Variants in KCNJ5 observed in about 807,000 individuals in gnomAD.
KCNJ5 encodes the protein G protein-activated inward rectifier potassium channel 4.
A neutral mutation model predicts 20.2 loss-of-function variants in KCNJ5; 12 were observed. The observed-to-expected ratio is 0.59, with a 90% CI of 0.38 to 0.96. KCNJ5 has a LOEUF of 0.96. KCNJ5 is among the 40% of genes least tolerant of loss of function. The pLI is 0.00. For synonymous variants in KCNJ5, 210 were observed against 213.9 expected (o/e 0.98, Z 0.16); for missense variants, 449 against 557.6 (o/e 0.81, Z 1.96).
Position 128,916,404 on chromosome 11 carries a change from C to G in KCNJ5, c.938-5C>G. ...TCATAATGCATGTAACTTCCGTTTC[C>G]CCAGGCATGACCTGCCAAGCCCGGA... On this transcript the variant is annotated splice_polypyrimidine_tract_variant and splice_region_variant and intron_variant, in intron 2 of 2. Transcript: ENST00000529694. The G allele has an allele frequency of 1.9e-6, 3 of 1,612,736 alleles. No homozygotes were observed. The highest frequency in any genetic ancestry group is 8.5e-7 in the Non-Finnish European group (1 of 1,178,758).
At chr11:128,914,009 T>C (rs1332673003) in intron 2 of KCNJ5, among the ~76,000 whole-genome samples, 1 of 152,166 alleles carries the variant, frequency 6.6e-6, no homozygotes, top group Non-Finnish European at 1.5e-5. Flanking sequence ...TGCTCGGCCA[T>C]CTGCTGGGGG....
At chr11:128,913,681 A>T (rs187173275) in intron 2 of KCNJ5, among the ~76,000 whole-genome samples, 5 of 151,804 alleles carry the variant, frequency 3.3e-5, no homozygotes, top group African/African-American at 1.2e-4. Flanking sequence ...CTATTTTTCC[A>T]ATTCTTGCAA....
chr11:128,912,168 T>G lies in KCNJ5; in HGVS notation c.895T>G (p.Phe299Val). 1 of 1,608,156 alleles carries G rather than the reference T, an allele frequency of 6.2e-7. No individual in the cohort carries two copies. The highest frequency in any genetic ancestry group is 1.3e-5 in the African/African-American group (1 of 74,948). The part of the protein sequence containing the change: ...MSQAQLHQEE[F>V]EVVVILEGMV... ...TCAGGCTCAGCTGCATCAGGAAGAG[T>G]TTGAAGTTGTGGTCATTCTAGAAGG... is the stretch of plus-strand genomic sequence containing the variant. Residue 299 changes from phenylalanine (F) to valine (V), a missense_variant, in exon 2 of 3, where the codon TTT becomes GTT. Coordinates refer to ENST00000529694, the MANE Select transcript of KCNJ5 (RefSeq NM_000890.5).
chr11:128,910,008 C>G (rs1944474487), intron 1 of KCNJ5: 1 of 152,170 alleles, frequency 6.6e-6, no homozygotes, highest in Non-Finnish European at 1.5e-5. Flanking sequence ...CACTTGGTCA[C>G]ATGCTAAGTG....
intron 2 of KCNJ5, among the ~76,000 whole-genome samples, chr11:128,914,613 C>T (rs182153562): frequency 1.7e-4 from 26 of 152,276 alleles, no homozygotes; most frequent in Admixed American, 5.2e-4. Context: ...CCTGCCTGAG[C>T]GGGTTTGAGC....
intron 2 of KCNJ5, among the ~76,000 whole-genome samples, chr11:128,913,352 C>G (rs183819640): frequency 3.4e-4 from 52 of 152,346 alleles, no homozygotes; most frequent in African/African-American, 1.2e-3. Context: ...GTGTGGCCAG[C>G]ATGGCACCTC....
rs150116497 is a variant in KCNJ5, at chr11:128,906,723, A to T, written c.-10-4541A>T. On this transcript the variant is annotated intron_variant, in intron 1 of 2. Transcript: ENST00000529694. ...TCTGTCTAATTCCTCTAATAATTTG[A>T]ATCTCTTACTTCGGGAAAAGCCCAA... 3.3e-3 allele frequency among the ~76,000 whole-genome samples: 499 copies of T among 152,286 alleles called. 4 individuals are homozygous for T. Among genetic ancestry groups the T allele is most frequent in the Non-Finnish European group, 4.9e-3 (333 of 68,016 alleles).
At chr11:128,905,554 C>T (rs1282452491) in intron 1 of KCNJ5, 2 of 152,332 alleles carry the variant, frequency 1.3e-5, no homozygotes, top group Non-Finnish European at 2.9e-5. Flanking sequence ...CCAACCTCCT[C>T]CCCTTCTCTC....
At chr11:128,916,366 A>C in intron 2 of KCNJ5, 43 bp from the exon 3 acceptor site, 1 of 1,399,014 alleles carries the variant, frequency 7.1e-7, no homozygotes, top group Non-Finnish European at 1.0e-6. Flanking sequence ...GGATAGATGG[A>C]TGGATGATTG....
At chr11:128,897,610 T>G (rs186464760) in intron 1 of KCNJ5, among the ~76,000 whole-genome samples, 2 of 152,332 alleles carry the variant, frequency 1.3e-5, no homozygotes, top group Non-Finnish European at 2.9e-5. Flanking sequence ...TAATTTTGCC[T>G]TTTCATCTTA....
intron 1 of KCNJ5, among the ~76,000 whole-genome samples, chr11:128,899,314 G>A (rs1345885700): frequency 1.3e-5 from 2 of 152,208 alleles, no homozygotes; most frequent in African/African-American, 2.4e-5. Flanking sequence ...TTGGGTATAT[G>A]GTACAGCCCC....
intron 2 of KCNJ5, among the ~76,000 whole-genome samples, chr11:128,914,091 G>A (rs1317458722): frequency 6.6e-6 from 1 of 152,238 alleles, no homozygotes; most frequent in East Asian, 1.9e-4. Flanking sequence ...GACTCAGGAA[G>A]GTTTCCCCCA....
chr11:128,909,009 T>A (rs1944464257), intron 1 of KCNJ5, among the ~76,000 whole-genome samples: 1 of 152,222 alleles, frequency 6.6e-6, no homozygotes, highest in Non-Finnish European at 1.5e-5. Context: ...TTATCCTTGT[T>A]AACTGCCACA....
At chr11:128,904,374 C>A in intron 1 of KCNJ5, 1 of 1,607,634 alleles carries the variant, frequency 6.2e-7, no homozygotes, top group South Asian at 1.1e-5. Context: ...GTACTCCCCA[C>A]CAGACCAGGA....
chr11:128,911,682 G>T lies in KCNJ5; in HGVS notation c.409G>T (p.Val137Leu). 1 of 1,614,180 alleles carries T rather than the reference G, an allele frequency of 6.2e-7. No homozygotes were observed. ...IPCVENLSGFVSAFLFSIETE... is the reference protein window; with the variant it reads ...IPCVENLSGFLSAFLFSIETE... ...TTGTGTTGAAAACCTCAGTGGCTTC[G>T]TGTCCGCTTTCCTGTTCTCCATTGA... Residue 137 changes from valine to leucine, a missense_variant, in exon 2 of 3, where the codon GTG becomes TTG. Val to Leu is a conservative substitution (Grantham distance 32). This residue lies in a region of KCNJ5 where 203 missense variants were observed against 258.0 expected (regional missense o/e 0.79). Coordinates refer to ENST00000529694, the MANE Select transcript of KCNJ5 (RefSeq NM_000890.5). This position sits in a 1 kb window ranked among gnomAD's most constrained non-coding sequence, Gnocchi z 6.3.
At chr11:128,913,904 G>A (rs1041520125) in intron 2 of KCNJ5, among the ~76,000 whole-genome samples, 5 of 152,194 alleles carry the variant, frequency 3.3e-5, no homozygotes, top group Non-Finnish European at 4.4e-5. Flanking sequence ...CCGGGCAGGG[G>A]ACTCAGACCC....
intron 1 of KCNJ5, among the ~76,000 whole-genome samples, chr11:128,897,093 CTT>C (rs35966521): frequency 0.18 from 17,928 of 98,398 alleles, 507 homozygotes; most frequent in Middle Eastern, 0.25. Flanking sequence ...CCGTTTACCA[CTT>C]TTTTTTTTTT....
chr11:128,893,359 A>C (rs1944123370), intron 1 of KCNJ5, among the ~76,000 whole-genome samples: 1 of 152,132 alleles, frequency 6.6e-6, no homozygotes. Flanking sequence ...CTGGCTCAGG[A>C]GGCTGAGGTA....
Position 128,902,512 on chromosome 11 carries a change from G to A in KCNJ5, c.-10-8752G>A, listed in dbSNP as rs762089397. The stretch of plus-strand genomic sequence containing the variant: ...GGATGTCATAGCAGCCGTCTGCATG[G>A]GGGAGGGGGCTGGGGAGCACAGGGC... On this transcript the variant is annotated intron_variant, in intron 1 of 2. Transcript: ENST00000529694. 6 of 1,561,336 alleles carry A rather than the reference G, an allele frequency of 3.8e-6. No individual in the cohort carries two copies. In the East Asian group the frequency reaches 1.4e-4, roughly 37 times the overall value.
Sources: allele counts gnomAD v4.1 joint callset (sites outside exome capture counted in the v4.1 genomes callset), GRCh38; gene constraint gnomAD v4.1.1; regional missense constraint gnomAD v4.1.1; non-coding constraint Gnocchi (gnomAD v3.1); transcripts MANE v1.5; gene names NCBI Gene and HGNC (gene_info 2026-07-23, HGNC 2026-07-21).